The following PRUNE1 variants were observed in gnomAD, a reference collection of about 807,000 sequenced individuals.
PRUNE1 encodes the protein exopolyphosphatase PRUNE1.
A neutral mutation model predicts 42.5 loss-of-function variants in PRUNE1; 25 were observed. The observed-to-expected ratio is 0.59, with a 90% CI of 0.43 to 0.82. The LOEUF is 0.82. Ranked by LOEUF, PRUNE1 falls within the 40% of genes least tolerant of loss-of-function variation. The pLI is 0.00. For synonymous variants in PRUNE1, 203 were observed against 217.1 expected, an observed-to-expected ratio of 0.93 and a Z score of 0.57; for missense variants, 443 against 539.3, an observed-to-expected ratio of 0.82 and a Z score of 1.77.
intron 6 of PRUNE1, among the ~76,000 whole-genome samples, chr1:151,027,819 A>G (rs1218903221): frequency 2.7e-5 from 4 of 150,034 alleles, no homozygotes; most frequent in East Asian, 2.0e-4. Flanking sequence ...GGGTCTCACT[A>G]TGTTGCCCAG....
At chr1:151,020,525 G>A (rs1027332451) in intron 3 of PRUNE1, among the ~76,000 whole-genome samples, 1 of 152,022 alleles carries the variant, frequency 6.6e-6, no homozygotes, top group African/African-American at 2.4e-5. Context: ...CACTTTGGGA[G>A]GGTGAAACAG....
chr1:151,026,284 C>G (rs1674833332), intron 5 of PRUNE1, among the ~76,000 whole-genome samples: 1 of 151,566 alleles, frequency 6.6e-6, no homozygotes, highest in South Asian at 2.1e-4. Flanking sequence ...TGGTGAAACT[C>G]CGTTTCTACT....
chr1:151,022,923 A>T (rs1674567577), intron 3 of PRUNE1: 1 of 152,172 alleles, frequency 6.6e-6, no homozygotes, highest in South Asian at 2.1e-4. Flanking sequence ...GGTGGTTAGG[A>T]AAGGCATTCC....
intron 3 of PRUNE1, among the ~76,000 whole-genome samples, chr1:151,021,939 A>C (rs1230231083): frequency 6.6e-6 from 1 of 150,570 alleles, no homozygotes; most frequent in Non-Finnish European, 1.5e-5. Flanking sequence ...AAGTGCTGGG[A>C]TTACAGGTAT....
intron 3 of PRUNE1, among the ~76,000 whole-genome samples, chr1:151,023,642 T>C (rs587674546): frequency 6.7e-6 from 1 of 149,062 alleles, no homozygotes; most frequent in African/African-American, 2.5e-5. Flanking sequence ...TGCTTGAACC[T>C]GGGAGGCGGA....
chr1:151,027,781 T>TGTGTGC (rs764369341), intron 6 of PRUNE1, among the ~76,000 whole-genome samples: 2,180 of 142,532 alleles, frequency 0.015, 27 homozygotes, highest in South Asian at 0.047. Context: ...TGTGTGTGTG[T>TGTGTGC]GCGCGCGCGT....
intron 2 of PRUNE1, 82 bp downstream of exon 2, chr1:151,017,986 C>A (rs1674205680): frequency 3.2e-6 from 3 of 933,902 alleles, no homozygotes; most frequent in East Asian, 2.5e-5. Context: ...CTACCACTTA[C>A]CAGCATTTAG....
chr1:151,025,526 C>T lies in PRUNE1; in HGVS notation c.532C>T (p.Leu178=), dbSNP rs771874776. The T allele has an allele frequency of 8.1e-6, 13 of 1,613,868 alleles. No individual in the cohort carries two copies. Among genetic ancestry groups the T allele is most frequent in the Non-Finnish European group, 1.1e-5 (13 of 1,179,904 alleles). The change falls in exon 5 of 8, where the codon CTG becomes TTG. Residue 178 remains leucine, a synonymous_variant. Coordinates refer to ENST00000271620, the MANE Select transcript of PRUNE1 (RefSeq NM_021222.3). ...TAALLHGTII[L]DCVNMDLKIG... is the part of the protein sequence containing the mutation. ...TCCCTTCTCCACAGGAACCATCATCCTGGACTGTGTCAACATGGACCTTAA... is the reference window on the plus strand; with the variant it reads ...TCCCTTCTCCACAGGAACCATCATCTTGGACTGTGTCAACATGGACCTTAA...
intron 5 of PRUNE1, 72 bp downstream of exon 5, chr1:151,025,745 A>ATT: frequency 6.8e-5 from 77 of 1,138,552 alleles, no homozygotes; most frequent in East Asian, 3.1e-4. Flanking sequence ...TCATTATATT[A>ATT]TTTTTTTTTT....
chr1:151,033,728 G>A, intron 7 of PRUNE1, 78 bp from the exon 8 acceptor site: 1 of 1,390,208 alleles, frequency 7.2e-7, no homozygotes, highest in Non-Finnish European at 9.9e-7. Flanking sequence ...CTTCTATAGA[G>A]GAAGCCTCTC....
intron 3 of PRUNE1, among the ~76,000 whole-genome samples, chr1:151,021,378 A>G (rs991487930): frequency 3.9e-5 from 6 of 151,914 alleles, no homozygotes; most frequent in Middle Eastern, 3.2e-3. Flanking sequence ...TTGCTTGAAC[A>G]TGGGAGCCAG....
intron 3 of PRUNE1, among the ~76,000 whole-genome samples, chr1:151,022,009 C>T (rs894688064): frequency 3.3e-5 from 5 of 151,128 alleles, no homozygotes; most frequent in East Asian, 1.9e-4. Context: ...CGCTCTGTCT[C>T]CTAGGCTAGA....
In PRUNE1 at chr1:151,010,582, G is replaced by A. The variant is rs587661668; in HGVS notation, c.39+1911G>A. ...CATCACATAGCCTCTCCAGGGCCTG[G>A]AGAAATGAGAAAATTAGACTCTAGG... is the stretch of plus-strand genomic sequence containing the variant. On this transcript the variant is annotated intron_variant, in intron 1 of 7. Coordinates refer to ENST00000271620, the MANE Select transcript of PRUNE1 (RefSeq NM_021222.3). 1.2e-3 allele frequency among the ~76,000 whole-genome samples: 181 copies of A among 152,140 alleles called. 2 individuals are homozygous for A. The highest frequency in any genetic ancestry group is 2.7e-3 in the South Asian group (13 of 4,826).
At chr1:151,020,808 C>T (rs183623593) in intron 3 of PRUNE1, among the ~76,000 whole-genome samples, 20 of 151,612 alleles carry the variant, frequency 1.3e-4, no homozygotes, top group Admixed American at 4.0e-4. Flanking sequence ...GGTGAAAACC[C>T]GTCTCTACTA....
rs1055851557 is a variant in PRUNE1, at chr1:151,020,874, C to T, written c.335+2205C>T. Reference sequence around the variant, plus strand: ...GCGGACGCCGATAGTCCCAGCTACTCGGGAGTCTGAGGTAGGAGAATGGCA... The same window carrying T: ...GCGGACGCCGATAGTCCCAGCTACTTGGGAGTCTGAGGTAGGAGAATGGCA... On this transcript the variant is annotated intron_variant, in intron 3 of 7. Transcript: ENST00000271620. 2.6e-5 allele frequency among the ~76,000 whole-genome samples: 4 copies of T among 151,566 alleles called. 1 individual carries two copies. Among genetic ancestry groups the T allele is most frequent in the South Asian group, 4.1e-4 (2 of 4,824 alleles).
At chr1:151,022,108 ATTTTTTTTTTT>A (rs60255032) in intron 3 of PRUNE1, among the ~76,000 whole-genome samples, 1 of 125,800 alleles carries the variant, frequency 7.9e-6, no homozygotes, top group Non-Finnish European at 1.7e-5. Context: ...TTCCTGGCTA[ATTTTTTTTTTT>A]TTTTTTTTGA....
intron 1 of PRUNE1, among the ~76,000 whole-genome samples, chr1:151,015,037 C>G (rs1296445792): frequency 1.3e-5 from 2 of 151,914 alleles, no homozygotes; most frequent in Non-Finnish European, 2.9e-5. Flanking sequence ...ACAAAAAATG[C>G]AAAAATTTGG....
At chr1:151,020,107 A>G in intron 3 of PRUNE1, among the ~76,000 whole-genome samples, 1 of 136,036 alleles carries the variant, frequency 7.4e-6, no homozygotes, top group Non-Finnish European at 1.6e-5. Flanking sequence ...TGGTGGGATT[A>G]CAGGCGTGAG....
chr1:151,025,377 GT>G, intron 4 of PRUNE1, 137 bp from the exon 5 acceptor site: 1 of 843,452 alleles, frequency 1.2e-6, no homozygotes, highest in African/African-American at 1.8e-5. Flanking sequence ...GTCCATCCCA[GT>G]TTCTCATTTT....
Sources: allele counts gnomAD v4.1 joint callset (sites outside exome capture counted in the v4.1 genomes callset), GRCh38; gene constraint gnomAD v4.1.1; transcripts MANE v1.5; gene names NCBI Gene and HGNC (gene_info 2026-07-23, HGNC 2026-07-21).